The following SLCO5A1 variants were observed in gnomAD, a reference collection of about 807,000 sequenced individuals.
SLCO5A1 encodes the protein solute carrier organic anion transporter family member 5A1.
SLCO5A1 carries 39 observed loss-of-function variants against 65.1 expected under a neutral mutation model. That is an observed-to-expected ratio of 0.60 (90% CI 0.46 to 0.78). The LOEUF is 0.78. Ranked by LOEUF, SLCO5A1 falls within the 30% of genes least tolerant of loss-of-function variation. The pLI, the probability that SLCO5A1 is intolerant of heterozygous loss-of-function variation, is 0.00. For missense variants in SLCO5A1, 1,029 were observed against 1,069.4 expected (o/e 0.96, Z 0.53); for synonymous variants, 438 against 415.7 (o/e 1.05, Z -0.65).
At chr8:69,711,385 C>G (rs943734998) in intron 5 of SLCO5A1, among the ~76,000 whole-genome samples, 44 of 152,178 alleles carry the variant, frequency 2.9e-4, no homozygotes, top group African/African-American at 9.9e-4. Context: ...GAGGGACCCC[C>G]GAGTTCCTGC....
At chr8:69,688,866 C>T (rs1167737418) in intron 6 of SLCO5A1, among the ~76,000 whole-genome samples, 1 of 152,200 alleles carries the variant, frequency 6.6e-6, no homozygotes, top group Non-Finnish European at 1.5e-5. Flanking sequence ...AATGGGATGG[C>T]TGGGTCTAAT....
intron 2 of SLCO5A1, among the ~76,000 whole-genome samples, chr8:69,810,170 G>A (rs200180025): frequency 6.6e-6 from 1 of 152,186 alleles, no homozygotes. Flanking sequence ...AGTGGAACTG[G>A]CCATGCTGGA....
intron 2 of SLCO5A1, among the ~76,000 whole-genome samples, chr8:69,782,115 T>A (rs972455895): frequency 1.3e-5 from 2 of 152,090 alleles, no homozygotes; most frequent in Non-Finnish European, 2.9e-5. Flanking sequence ...ACCTAATGCA[T>A]GTGGGGTTTA....
chr8:69,749,651 G>A (rs1817197374), intron 4 of SLCO5A1, among the ~76,000 whole-genome samples: 1 of 150,546 alleles, frequency 6.6e-6, no homozygotes. Flanking sequence ...AAAAAGAAAT[G>A]ACCTCTTTTT....
In SLCO5A1 at chr8:69,749,747, A is replaced by T. The variant is rs1817203271; in HGVS notation, c.1258+5677T>A. 2.1e-5 allele frequency among the ~76,000 whole-genome samples: 3 copies of T among 140,314 alleles called. No individual in the cohort carries two copies. The South Asian group carries it at 6.7e-4, about 32-fold the overall frequency. The allele number at this position is 140,314 out of a possible 152,430, so 92.1% of individuals were successfully genotyped here. On this transcript the variant is annotated intron_variant, in intron 4 of 9. Coordinates refer to ENST00000260126, the MANE Select transcript of SLCO5A1 (RefSeq NM_030958.3). Reference sequence around the variant, plus strand: ...GCAGGAAATGTAATGGACAAAAAAAAAAAAACATTCCTGTCTTCATGGAGC... The same window carrying T: ...GCAGGAAATGTAATGGACAAAAAAATAAAAACATTCCTGTCTTCATGGAGC...
intron 5 of SLCO5A1, among the ~76,000 whole-genome samples, chr8:69,710,057 C>T (rs1214703614): frequency 2.8e-5 from 4 of 141,726 alleles, no homozygotes; most frequent in African/African-American, 7.9e-5. Context: ...TCACTCTTGT[C>T]GCCCAGGCTA....
At chr8:69,802,263 G>A (rs1449592213) in intron 2 of SLCO5A1, among the ~76,000 whole-genome samples, 1 of 152,148 alleles carries the variant, frequency 6.6e-6, no homozygotes, top group Non-Finnish European at 1.5e-5. Flanking sequence ...AGCACTTTGG[G>A]AGGCCGAGGT....
intron 5 of SLCO5A1, among the ~76,000 whole-genome samples, chr8:69,711,012 GT>G (rs10715743): frequency 0.49 from 74,326 of 151,582 alleles, 18,406 homozygotes; most frequent in South Asian, 0.63. Flanking sequence ...CCTTCATACT[GT>G]CCCCCCCACT....
rs756425713 is a variant in SLCO5A1, at chr8:69,670,068, G to A, written c.*2801C>T. 2.0e-5 allele frequency: 3 copies of A among 152,080 alleles called. No individual in the cohort carries two copies. Among genetic ancestry groups the A allele is most frequent in the African/African-American group, 4.8e-5 (2 of 41,420 alleles). The allele number at this position is 152,080 out of a possible 1,614,324, so 9.4% of individuals were successfully genotyped here. On this transcript the variant is annotated 3_prime_UTR_variant, in exon 10 of 10. Transcript: ENST00000260126. The stretch of plus-strand genomic sequence containing the variant: ...GCTAATGAAAATAACCAAAGAATGC[G>A]CTCCAACCACCCATCTTACCTCCTG...
chr8:69,767,919 A>AG (rs1818143425), intron 2 of SLCO5A1, among the ~76,000 whole-genome samples: 1 of 90,690 alleles, frequency 1.1e-5, no homozygotes, highest in African/African-American at 8.3e-5. Flanking sequence ...AAACAAAAAG[A>AG]AAAAGAAAAA....
intron 6 of SLCO5A1, among the ~76,000 whole-genome samples, chr8:69,701,885 T>C (rs1457734849): frequency 6.6e-6 from 1 of 152,158 alleles, no homozygotes; most frequent in African/African-American, 2.4e-5. Context: ...ACAATACACA[T>C]GTCATAAATT....
intron 4 of SLCO5A1, among the ~76,000 whole-genome samples, chr8:69,753,518 A>G (rs2130857225): frequency 6.6e-6 from 1 of 152,374 alleles, no homozygotes; most frequent in Non-Finnish European, 1.5e-5. Flanking sequence ...TGCATCTTCC[A>G]AAAGAACTTC....
At chr8:69,682,850 A>G (rs1208449319) in intron 6 of SLCO5A1, among the ~76,000 whole-genome samples, 1 of 152,274 alleles carries the variant, frequency 6.6e-6, no homozygotes, top group Non-Finnish European at 1.5e-5. Flanking sequence ...ATTCTAGAAT[A>G]AATTATCAAA....
chr8:69,770,058 CA>C (rs748239272), intron 2 of SLCO5A1, among the ~76,000 whole-genome samples: 40 of 152,274 alleles, frequency 2.6e-4, no homozygotes, highest in Non-Finnish European at 5.4e-4. Context: ...AGTTAGATTA[CA>C]CAGTAATTAT....
chr8:69,729,812 T>C (rs940340814), intron 5 of SLCO5A1, among the ~76,000 whole-genome samples: 1 of 152,192 alleles, frequency 6.6e-6, no homozygotes, highest in Non-Finnish European at 1.5e-5. Context: ...ACTTTACTCC[T>C]ATGATCAAGA....
At chr8:69,708,132 A>G (rs1815057992) in intron 5 of SLCO5A1, among the ~76,000 whole-genome samples, 1 of 152,234 alleles carries the variant, frequency 6.6e-6, no homozygotes, top group Non-Finnish European at 1.5e-5. Flanking sequence ...CAAGTTGAAA[A>G]TGAACAGCCA....
Position 69,669,256 on chromosome 8 carries a change from T to G in SLCO5A1, c.*3613A>C, listed in dbSNP as rs1372382457. On this transcript the variant is annotated 3_prime_UTR_variant, in exon 10 of 10. Coordinates refer to ENST00000260126, the MANE Select transcript of SLCO5A1 (RefSeq NM_030958.3). Reference sequence around the variant, plus strand: ...AAATCTTGATATTTCCTACAGATGTTTCCTACAGTTTTTTTTATTTACACA... The same window carrying G: ...AAATCTTGATATTTCCTACAGATGTGTCCTACAGTTTTTTTTATTTACACA... The G allele has an allele frequency of 2.0e-5, 3 of 152,196 alleles. No individual in the cohort carries two copies. The highest frequency in any genetic ancestry group is 7.2e-5 in the African/African-American group (3 of 41,440). 9.4% of individuals were successfully genotyped at this position (152,196 alleles called of 1,614,324 possible). A position where few individuals can be genotyped will look rare whatever the true frequency, so the allele number is the denominator to read the frequency against.
rs1402716715 is a variant in SLCO5A1 at position 69,832,426 on chromosome 8, G to A, written c.248C>T (p.Pro83Leu). The A allele has an allele frequency of 6.2e-7, 1 of 1,613,184 alleles. No homozygotes were observed. Among genetic ancestry groups the A allele is most frequent in the Non-Finnish European group, 8.5e-7 (1 of 1,179,632 alleles). ...KQGPNPLAPS[P>L]SAPSTSAGLG... ...CCCCGCCGAAGTGGACGGGGCAGAG[G>A]GACTGGGGGCCAACGGGTTCGGGCC... The change falls in exon 2 of 10, where the codon CCC becomes CTC. Residue 83 changes from proline to leucine, a missense_variant. By Grantham distance (98) the Pro-to-Leu change is moderately conservative. Coordinates refer to ENST00000260126, the MANE Select transcript of SLCO5A1 (RefSeq NM_030958.3). The surrounding 1 kb of genome is among the most constrained non-coding windows in gnomAD (Gnocchi z 4.5).
chr8:69,784,047 A>T (rs1271104951), intron 2 of SLCO5A1, among the ~76,000 whole-genome samples: 1 of 152,178 alleles, frequency 6.6e-6, no homozygotes, highest in Non-Finnish European at 1.5e-5. Context: ...TGTTGCTGTG[A>T]TCCTAAAACT....
Sources: gnomAD v4.1 joint callset for allele counts (sites outside exome capture counted in the v4.1 genomes callset) on GRCh38, gnomAD v4.1.1 for gene constraint, Gnocchi (gnomAD v3.1) non-coding constraint, MANE v1.5 for transcripts, NCBI Gene and HGNC (gene_info 2026-07-23, HGNC 2026-07-21) for gene names.